Variants in DPPA2 observed in about 807,000 individuals in gnomAD.
The protein encoded by DPPA2 is developmental pluripotency associated 2.
In DPPA2, 26 loss-of-function variants were observed where a neutral mutation model predicts 36.2. The observed-to-expected ratio is 0.72, with a 90% CI of 0.53 to 1.00. The LOEUF (loss-of-function observed/expected upper bound fraction) is 1.00, where lower values mean the gene tolerates loss of function less well. DPPA2 is among the 50% of genes least tolerant of loss of function. The pLI is 0.00. For synonymous variants in DPPA2, 113 were observed against 123.2 expected (o/e 0.92, Z 0.55); for missense variants, 361 against 365.1 (o/e 0.99, Z 0.09).
At chr3:109,304,793 G>C (rs1707521090) in intron 6 of DPPA2, 123 bp from the exon 7 acceptor site, 4 of 926,120 alleles carry the variant, frequency 4.3e-6, no homozygotes, top group Non-Finnish European at 6.4e-6. Flanking sequence ...TGAGATGCAT[G>C]AAAACCTAGA....
rs189794198 is a variant in DPPA2 at position 109,298,960 on chromosome 3, G to A, written c.*22+1411C>T. 1.6e-3 allele frequency among the ~76,000 whole-genome samples: 250 copies of A among 151,662 alleles called. 1 individual carries two copies. Among genetic ancestry groups the A allele is most frequent in the African/African-American group, 5.8e-3 (241 of 41,336 alleles). ...ACTTGGGAGGCTGAGGTGAGAGGAT[G>A]GCTTGAACACGGAAGGCAGAGGTTG... On this transcript the variant is annotated intron_variant, in intron 8 of 8. Transcript: ENST00000478945.
At chr3:109,296,915 C>T (rs1707361732) in intron 8 of DPPA2, among the ~76,000 whole-genome samples, 1 of 151,782 alleles carries the variant, frequency 6.6e-6, no homozygotes, top group Admixed American at 6.6e-5. Context: ...GGCAAAACCC[C>T]ATCTCTACAA....
chr3:109,315,134 T>C (rs1199577471), intron 1 of DPPA2, among the ~76,000 whole-genome samples: 2 of 152,148 alleles, frequency 1.3e-5, no homozygotes, highest in Admixed American at 1.3e-4. Flanking sequence ...CAAACACTTG[T>C]TGACAAGTTC....
chr3:109,308,256 C>A lies in DPPA2; in HGVS notation c.434G>T (p.Arg145Leu). Residue 145 changes from arginine to leucine, a missense_variant, in exon 6 of 9, where the codon CGA becomes CTA. Physicochemically the swap from Arg to Leu is moderately radical, Grantham distance 102 (BLOSUM62 -2). Transcript: ENST00000478945. The part of the protein sequence containing the change: ...PEMSQETRLQ[R>L]CSRKRKAVTK... Reference sequence around the variant, plus strand: ...CACTGCCTTGCGTTTCCTCGAACATCGCTGTAATCTGGTCTCTTGTGACAT... The same window carrying A: ...CACTGCCTTGCGTTTCCTCGAACATAGCTGTAATCTGGTCTCTTGTGACAT... The A allele has an allele frequency of 6.2e-7, 1 of 1,614,172 alleles. No individual in the cohort carries two copies. The highest frequency in any genetic ancestry group is 8.5e-7 in the Non-Finnish European group (1 of 1,180,034).
At chr3:109,304,037 C>T (rs937235434) in intron 7 of DPPA2, among the ~76,000 whole-genome samples, 11 of 151,816 alleles carry the variant, frequency 7.2e-5, no homozygotes, top group African/African-American at 2.2e-4. Context: ...TTTGGGAGGC[C>T]GAGGCGGGCG....
Position 109,309,365 on chromosome 3 carries a change from T to G in DPPA2, c.182-35A>C, listed in dbSNP as rs148333971. 336 of 1,609,092 alleles carry G rather than the reference T, an allele frequency of 2.1e-4. No homozygotes were observed. The African/African-American group carries it at 3.9e-3, about 18-fold the overall frequency. ...GAATGGAACCAAAGTAGTAATAATT[T>G]AAAGTTGGCAAGATTATTTTAAAAT... On this transcript the variant is annotated intron_variant, in intron 3 of 8. Coordinates refer to ENST00000478945, the MANE Select transcript of DPPA2 (RefSeq NM_138815.4).
intron 5 of DPPA2, 122 bp from the exon 6 acceptor site, chr3:109,308,415 T>G: frequency 7.6e-7 from 1 of 1,318,268 alleles, no homozygotes; most frequent in East Asian, 2.5e-5. Flanking sequence ...CAGGCTGGAG[T>G]GCAATGGCAC....
intron 8 of DPPA2, among the ~76,000 whole-genome samples, chr3:109,294,790 G>A (rs934709035): frequency 1.3e-5 from 2 of 152,188 alleles, no homozygotes; most frequent in Admixed American, 6.6e-5. Context: ...TTGGGAAACC[G>A]AGGTGGGTGG....
intron 6 of DPPA2, among the ~76,000 whole-genome samples, chr3:109,306,401 G>A (rs189526777): frequency 1.1e-4 from 16 of 152,272 alleles, no homozygotes; most frequent in Non-Finnish European, 1.5e-4. Context: ...ATAAACGAAT[G>A]TAGCTTGAAG....
chr3:109,299,581 G>A (rs1559694786), intron 8 of DPPA2, among the ~76,000 whole-genome samples: 1 of 151,440 alleles, frequency 6.6e-6, no homozygotes, highest in African/African-American at 2.4e-5. Flanking sequence ...AGCTACTTGG[G>A]AGGCGGAGGC....
intron 7 of DPPA2, among the ~76,000 whole-genome samples, chr3:109,303,644 C>T (rs544888801): frequency 1.3e-5 from 2 of 152,202 alleles, no homozygotes; most frequent in South Asian, 2.1e-4. Flanking sequence ...GCTGGGATTA[C>T]AGGCATGAGC....
At chr3:109,304,019 C>G (rs1418736990) in intron 7 of DPPA2, among the ~76,000 whole-genome samples, 1 of 151,832 alleles carries the variant, frequency 6.6e-6, no homozygotes, top group African/African-American at 2.4e-5. Context: ...CACCTGTTAT[C>G]CCAGCACTTT....
chr3:109,306,704 G>A (rs1707571454), intron 6 of DPPA2, among the ~76,000 whole-genome samples: 3 of 151,474 alleles, frequency 2.0e-5, no homozygotes, highest in Admixed American at 2.0e-4. Flanking sequence ...GGTAGCTCAC[G>A]CCTGTAATCC....
chr3:109,304,404 A>AG, intron 7 of DPPA2, 71 bp downstream of exon 7: 1 of 1,441,050 alleles, frequency 6.9e-7, no homozygotes, highest in South Asian at 1.5e-5. Flanking sequence ...TTCTACTGTT[A>AG]AATTATTTAG....
intron 8 of DPPA2, among the ~76,000 whole-genome samples, chr3:109,299,830 A>G (rs1229793923): frequency 1.3e-5 from 2 of 149,602 alleles, no homozygotes; most frequent in African/African-American, 4.9e-5. Flanking sequence ...ACAGAGAACT[A>G]CAACCTTGAA....
At chr3:109,302,699 G>A (rs903677697) in intron 7 of DPPA2, among the ~76,000 whole-genome samples, 5 of 144,936 alleles carry the variant, frequency 3.4e-5, no homozygotes, top group Admixed American at 2.9e-4. Context: ...TGATCCGCCC[G>A]CCTCGGTCTC....
In DPPA2 at chr3:109,300,443, G is replaced by A; in HGVS notation, c.855-8C>T. 1 of 1,613,546 alleles carries A rather than the reference G, an allele frequency of 6.2e-7. No individual in the cohort carries two copies. The highest frequency in any genetic ancestry group is 1.3e-5 in the African/African-American group (1 of 74,998). On this transcript the variant is annotated splice_polypyrimidine_tract_variant and splice_region_variant and intron_variant, in intron 7 of 8. Transcript: ENST00000478945. ...TTCATCATCTTCTTATTCCTGTAAG[G>A]CAAGTAGAAAAGAACTGTGAAATAT...
intron 2 of DPPA2, among the ~76,000 whole-genome samples, chr3:109,314,134 T>TA (rs548922528): frequency 3.9e-4 from 59 of 151,834 alleles, no homozygotes; most frequent in South Asian, 1.9e-3. Flanking sequence ...CCTTTGCTTT[T>TA]AAAAAAAAAC....
chr3:109,303,232 A>G (rs890949082), intron 7 of DPPA2, among the ~76,000 whole-genome samples: 25 of 149,744 alleles, frequency 1.7e-4, no homozygotes, highest in African/African-American at 5.9e-4. Flanking sequence ...ACTGGCCATC[A>G]TATTTTTTAT....
Sources: allele counts gnomAD v4.1 joint callset (sites outside exome capture counted in the v4.1 genomes callset), GRCh38; gene constraint gnomAD v4.1.1; transcripts MANE v1.5; gene names NCBI Gene and HGNC (gene_info 2026-07-23, HGNC 2026-07-21).